Variants in DCC observed in about 807,000 individuals in gnomAD.
DCC encodes the protein netrin receptor DCC.
Under a neutral mutation model 172.5 loss-of-function variants are expected in DCC, and 58 were observed. The observed-to-expected ratio is 0.34, with a 90% CI of 0.27 to 0.42. DCC has a LOEUF of 0.42. Ranked by LOEUF, DCC falls within the 10% of genes least tolerant of loss-of-function variation. The pLI, the probability that DCC is intolerant of heterozygous loss-of-function variation, is 1.00. For synonymous variants in DCC, 709 were observed against 644.5 expected (o/e 1.10, Z -1.52); for missense variants, 1,740 against 1,791.0 (o/e 0.97, Z 0.51).
intron 18 of DCC, among the ~76,000 whole-genome samples, chr18:53,398,084 A>C (rs919803857): frequency 6.6e-6 from 1 of 152,182 alleles, no homozygotes; most frequent in African/African-American, 2.4e-5. Flanking sequence ...GATGCAGTGT[A>C]CTTGACATTT....
chr18:52,679,567 CTGAT>C (rs2035707756), intron 1 of DCC, among the ~76,000 whole-genome samples: 1 of 152,114 alleles, frequency 6.6e-6, no homozygotes, highest in Non-Finnish European at 1.5e-5. Context: ...CTGTTTATCT[CTGAT>C]TGAGCAGAAA....
chr18:53,336,007 C>T (rs747540266), intron 14 of DCC, among the ~76,000 whole-genome samples: 22 of 152,112 alleles, frequency 1.4e-4, no homozygotes, highest in African/African-American at 2.2e-4. Flanking sequence ...TCCCACAACA[C>T]GTAGGAATTG....
chr18:53,274,415 G>A (rs2056782945), intron 12 of DCC, among the ~76,000 whole-genome samples: 1 of 152,096 alleles, frequency 6.6e-6, no homozygotes, highest in Non-Finnish European at 1.5e-5. Context: ...TGTAAGCAGG[G>A]TTTTTATGTA....
At chr18:53,022,567 G>A (rs979974900) in intron 5 of DCC, among the ~76,000 whole-genome samples, 1 of 151,464 alleles carries the variant, frequency 6.6e-6, no homozygotes, top group African/African-American at 2.4e-5. Flanking sequence ...GTGTGTGTGT[G>A]TGTATCACTA....
intron 19 of DCC, 150 bp downstream of exon 19, chr18:53,403,043 C>G: frequency 3.0e-6 from 2 of 662,542 alleles, no homozygotes; most frequent in East Asian, 2.9e-5. Flanking sequence ...TTTCTTCTTT[C>G]CCCTTTTGAC....
chr18:53,473,264 T>C (rs1396232217), intron 25 of DCC, among the ~76,000 whole-genome samples: 1 of 152,220 alleles, frequency 6.6e-6, no homozygotes, highest in Non-Finnish European at 1.5e-5. Flanking sequence ...GTGAATTACT[T>C]CATGATAAGG....
chr18:52,482,248 T>C (rs1329923921), intron 1 of DCC, among the ~76,000 whole-genome samples: 2 of 152,206 alleles, frequency 1.3e-5, no homozygotes, highest in Non-Finnish European at 2.9e-5. Flanking sequence ...TTACTATGAC[T>C]CTTCACTAAT....
chr18:52,988,992 G>T (rs2041338738), intron 5 of DCC, among the ~76,000 whole-genome samples: 1 of 151,134 alleles, frequency 6.6e-6, no homozygotes, highest in African/African-American at 2.5e-5. Flanking sequence ...CTAGAAAATA[G>T]ATTTTTTTTT....
chr18:52,560,469 G>T (rs183429135), intron 1 of DCC, among the ~76,000 whole-genome samples: 1 of 152,300 alleles, frequency 6.6e-6, no homozygotes, highest in East Asian at 1.9e-4. Flanking sequence ...TACCCTCATT[G>T]CAAGGATTTT....
chr18:52,853,619 C>T (rs948059523), intron 2 of DCC, among the ~76,000 whole-genome samples: 1 of 152,162 alleles, frequency 6.6e-6, no homozygotes, highest in Non-Finnish European at 1.5e-5. Flanking sequence ...CTCCAGGAAT[C>T]TGGATGATTG....
chr18:53,494,544 T>C (rs1313033260), intron 26 of DCC, among the ~76,000 whole-genome samples: 1 of 152,246 alleles, frequency 6.6e-6, no homozygotes, highest in East Asian at 1.9e-4. Context: ...CTTGTTGCAT[T>C]GATCCCTTTA....
intron 1 of DCC, among the ~76,000 whole-genome samples, chr18:52,591,615 A>T (rs2033800926): frequency 6.6e-6 from 1 of 151,868 alleles, no homozygotes; most frequent in Non-Finnish European, 1.5e-5. Flanking sequence ...TACACTGTTC[A>T]AATTATTATT....
chr18:53,374,990 G>T (rs768159353), intron 15 of DCC, among the ~76,000 whole-genome samples: 46 of 152,144 alleles, frequency 3.0e-4, no homozygotes, highest in Admixed American at 2.0e-3. Context: ...TGTTTATCCT[G>T]CAGTGACCCA....
At chr18:52,496,448 G>T (rs543764371) in intron 1 of DCC, among the ~76,000 whole-genome samples, 8 of 152,240 alleles carry the variant, frequency 5.3e-5, no homozygotes, top group Admixed American at 1.3e-4. Flanking sequence ...CATCAGAAAA[G>T]TTATTCAGGA....
chr18:52,681,152 G>A (rs188272859), intron 1 of DCC, among the ~76,000 whole-genome samples: 63 of 152,166 alleles, frequency 4.1e-4, no homozygotes, highest in Middle Eastern at 6.8e-3. Context: ...ATTTTACAGA[G>A]AAGAATGCAG....
intron 1 of DCC, among the ~76,000 whole-genome samples, chr18:52,416,288 T>C (rs1791983803): frequency 1.3e-5 from 2 of 152,070 alleles, no homozygotes; most frequent in Admixed American, 1.3e-4. Context: ...GAGCTTTACT[T>C]CCAAGTATGT....
chr18:53,471,691 C>T (rs1249652492), intron 25 of DCC, among the ~76,000 whole-genome samples: 2 of 152,152 alleles, frequency 1.3e-5, no homozygotes, highest in African/African-American at 2.4e-5. Context: ...AGGGACTCTG[C>T]ACTTGCTGTA....
chr18:52,932,216 G>A lies in DCC; in HGVS notation c.985+6846G>A, dbSNP rs181849524. Among the ~76,000 whole-genome samples, 7 of 152,106 alleles carry A rather than the reference G, an allele frequency of 4.6e-5. No individual in the cohort carries two copies. The East Asian group carries it at 9.7e-4, about 21-fold the overall frequency. On this transcript the variant is annotated intron_variant, in intron 5 of 28. Transcript: ENST00000442544. ...ATTTTTCCATTCTTATGTTCAATAC[G>A]TCCAGCTTTCTGGCTCAAGGATTTT...
chr18:52,829,894 G>T (rs2038582369), intron 2 of DCC, among the ~76,000 whole-genome samples: 1 of 152,076 alleles, frequency 6.6e-6, no homozygotes, highest in Admixed American at 6.5e-5. Context: ...CAAATGAGTG[G>T]GAGGGATCTG....
Sources: allele counts gnomAD v4.1 joint callset (sites outside exome capture counted in the v4.1 genomes callset), GRCh38; gene constraint gnomAD v4.1.1; transcripts MANE v1.5; gene names NCBI Gene and HGNC (gene_info 2026-07-23, HGNC 2026-07-21).